The following APP variants were observed in gnomAD, a reference collection of about 807,000 sequenced individuals.
APP encodes the protein amyloid-beta precursor protein.
APP carries 31 observed loss-of-function variants against 101.4 expected under a neutral mutation model. The observed-to-expected ratio is 0.31, with a 90% CI of 0.23 to 0.41. The LOEUF (loss-of-function observed/expected upper bound fraction) is 0.41, where lower values mean the gene tolerates loss of function less well. Ranked by LOEUF, APP falls within the 10% of genes least tolerant of loss-of-function variation. APP has a pLI of 1.00. For synonymous variants in APP, 366 were observed against 364.4 expected (o/e 1.00, Z -0.05); for missense variants, 839 against 1,003.7 (o/e 0.84, Z 2.22).
chr21:26,164,012 C>A (rs964131786), intron 1 of APP, among the ~76,000 whole-genome samples: 1 of 151,970 alleles, frequency 6.6e-6, no homozygotes, highest in Non-Finnish European at 1.5e-5. Context: ...TTTGGGAGGC[C>A]GAGGCAGGCG....
intron 1 of APP, among the ~76,000 whole-genome samples, chr21:26,155,249 G>C (rs1000749884): frequency 6.6e-6 from 1 of 152,176 alleles, no homozygotes; most frequent in Non-Finnish European, 1.5e-5. Flanking sequence ...GCAACCGACT[G>C]AGTGAGACTC....
intron 1 of APP, among the ~76,000 whole-genome samples, chr21:26,123,532 A>G (rs979880741): frequency 5.3e-5 from 8 of 152,170 alleles, no homozygotes; most frequent in Non-Finnish European, 7.4e-5. Flanking sequence ...CTTCTTAAAT[A>G]ACTTACACCA....
chr21:26,104,613 A>C (rs2062138511), intron 2 of APP, among the ~76,000 whole-genome samples: 1 of 152,224 alleles, frequency 6.6e-6, no homozygotes, highest in South Asian at 2.1e-4. Flanking sequence ...CCTGGATCAA[A>C]GAATCAAGGG....
chr21:25,952,787 T>C (rs141862628), intron 13 of APP, among the ~76,000 whole-genome samples: 109 of 152,286 alleles, frequency 7.2e-4, no homozygotes, highest in African/African-American at 2.5e-3. Flanking sequence ...TAGAAGATTT[T>C]AGCTTCAGTT....
chr21:26,126,988 A>AAC (rs2062698869), intron 1 of APP, among the ~76,000 whole-genome samples: 1 of 151,970 alleles, frequency 6.6e-6, no homozygotes, highest in Admixed American at 6.6e-5. Flanking sequence ...AAAAAAAAAA[A>AAC]ACGTTAATTT....
chr21:26,158,172 G>C (rs142891849), intron 1 of APP: 2,556 of 152,336 alleles, frequency 0.017, 35 homozygotes, highest in Middle Eastern at 0.041. Flanking sequence ...GCTCTTGGAT[G>C]TTTCTACCAT....
chr21:26,024,818 T>C (rs2044499335), intron 5 of APP, among the ~76,000 whole-genome samples: 1 of 152,130 alleles, frequency 6.6e-6, no homozygotes, highest in Non-Finnish European at 1.5e-5. Flanking sequence ...TGGAACGCCT[T>C]TCTAACTCTG....
chr21:25,896,215 T>G (rs559870594), intron 16 of APP, among the ~76,000 whole-genome samples: 1 of 152,320 alleles, frequency 6.6e-6, no homozygotes, highest in African/African-American at 2.4e-5. Flanking sequence ...TTCAAAAAGC[T>G]AAATGTCTTT....
intron 15 of APP, among the ~76,000 whole-genome samples, chr21:25,903,556 G>C (rs1601347768): frequency 6.6e-6 from 1 of 152,020 alleles, no homozygotes; most frequent in Non-Finnish European, 1.5e-5. Context: ...TGTAGATGAA[G>C]AGCATGTCTT....
intron 1 of APP, among the ~76,000 whole-genome samples, chr21:26,126,915 A>AGT (rs2062696439): frequency 6.6e-6 from 1 of 152,110 alleles, no homozygotes; most frequent in Admixed American, 6.5e-5. Flanking sequence ...AACTGACATC[A>AGT]TATAAAACAA....
chr21:25,951,994 G>A (rs2041095915), intron 13 of APP, among the ~76,000 whole-genome samples: 2 of 152,124 alleles, frequency 1.3e-5, no homozygotes, highest in South Asian at 2.1e-4. Context: ...CTCAGATAGT[G>A]TACAGGGTTC....
In APP at chr21:25,955,728, T is replaced by G. The variant is rs201384815; in HGVS notation, c.1486A>C (p.Lys496Gln). The change falls in exon 12 of 18, where the codon AAG becomes CAG. Residue 496 changes from lysine to glutamine, a missense_variant. Lys to Gln is a moderately conservative substitution (Grantham distance 53, BLOSUM62 1). Coordinates refer to ENST00000346798, the MANE Select transcript of APP (RefSeq NM_000484.4). The stretch of plus-strand genomic sequence containing the variant: ...TCCTTCTGTTCTGCGCGGACATACT[T>G]CTTTAGCATATTGAACACGTGACGA... ...RPRHVFNMLK[K>Q]YVRAEQKDRQ... The G allele has an allele frequency of 5.8e-5, 93 of 1,614,044 alleles. No homozygotes were observed. The highest frequency in any genetic ancestry group is 7.8e-5 in the Non-Finnish European group (92 of 1,180,034).
intron 11 of APP, among the ~76,000 whole-genome samples, chr21:25,958,032 T>A (rs2041401100): frequency 6.6e-6 from 1 of 152,074 alleles, no homozygotes. Flanking sequence ...AAGAATTGCT[T>A]TTCATCATAA....
In APP at chr21:26,059,890, C is replaced by CAAAAAA. The variant is rs57594630; in HGVS notation, c.356-6548_356-6543dup. On this transcript the variant is annotated intron_variant, in intron 3 of 17. Coordinates refer to ENST00000346798, the MANE Select transcript of APP (RefSeq NM_000484.4). ...TGAGCGAAAGAGCGAGACTCCGTCT[C>CAAAAAA]AAAAAAAAAAAAAAAAAAAAAAAAA... 2.0e-4 allele frequency among the ~76,000 whole-genome samples: 14 copies of CAAAAAA among 70,658 alleles called. 1 individual carries two copies. Among genetic ancestry groups the CAAAAAA allele is most frequent in the East Asian group, 1.7e-3 (3 of 1,808 alleles). The allele number at this position is 70,658 out of a possible 152,430, so 46.4% of individuals were successfully genotyped here. A position where few individuals can be genotyped will look rare whatever the true frequency, so the allele number is the denominator to read the frequency against.
chr21:26,064,526 G>A (rs777391318), intron 3 of APP, among the ~76,000 whole-genome samples: 1 of 152,212 alleles, frequency 6.6e-6, no homozygotes, highest in Non-Finnish European at 1.5e-5. Flanking sequence ...AGCCAGAAGA[G>A]GCCCAGAGCT....
intron 15 of APP, among the ~76,000 whole-genome samples, chr21:25,903,521 C>T (rs149417782): frequency 1.3e-5 from 2 of 152,150 alleles, no homozygotes; most frequent in African/African-American, 2.4e-5. Flanking sequence ...GTCGAATGAG[C>T]GCTTTCTAAG....
Position 25,955,621 on chromosome 21 carries a change from G to A in APP, c.1587+6C>T, listed in dbSNP as rs758516154. 16 of 1,614,044 alleles carry A rather than the reference G, an allele frequency of 9.9e-6. No homozygotes were observed. The highest frequency in any genetic ancestry group is 1.3e-5 in the African/African-American group (1 of 75,008). ...GCTGCAGAAGATGATTATACCCCAC[G>A]CTTACCTGGGACCGGATCTGAGCGG... On this transcript the variant is annotated splice_donor_region_variant and intron_variant, in intron 12 of 17. Transcript: ENST00000346798.
chr21:26,026,923 G>A (rs1409551597), intron 5 of APP, among the ~76,000 whole-genome samples: 4 of 152,362 alleles, frequency 2.6e-5, no homozygotes, highest in Admixed American at 1.3e-4. Context: ...GATAATGGGA[G>A]AGGCTGTGCA....
In APP at chr21:26,095,597, T is replaced by C. The variant is rs1389507800; in HGVS notation, c.226-5525A>G. 2.6e-5 allele frequency among the ~76,000 whole-genome samples: 4 copies of C among 152,162 alleles called. No individual in the cohort carries two copies. In the East Asian group the frequency reaches 7.7e-4, roughly 29 times the overall value. On this transcript the variant is annotated intron_variant, in intron 2 of 17. Transcript: ENST00000346798. ...GTACCTATAGGAAAAAAACATAGTA[T>C]ATATTGGGTTTGGTACTATCTAAGG...
Sources: allele counts gnomAD v4.1 joint callset (sites outside exome capture counted in the v4.1 genomes callset), GRCh38; gene constraint gnomAD v4.1.1; transcripts MANE v1.5; gene names NCBI Gene and HGNC (gene_info 2026-07-23, HGNC 2026-07-21).